Variants in RNF19A observed in about 807,000 individuals in gnomAD.
RNF19A encodes ring finger protein 19A, RBR E3 ubiquitin protein ligase, also known as E3 ubiquitin-protein ligase RNF19A.
A neutral mutation model predicts 75.7 loss-of-function variants in RNF19A; 32 were observed. That is an observed-to-expected ratio of 0.42 (90% CI 0.32 to 0.57). The LOEUF is 0.57. Ranked by LOEUF, RNF19A falls within the 20% of genes least tolerant of loss-of-function variation. The pLI, the probability that RNF19A is intolerant of heterozygous loss-of-function variation, is 0.10. For missense variants in RNF19A, 782 were observed against 1,036.3 expected, an observed-to-expected ratio of 0.75 and a Z score of 3.37; for synonymous variants, 335 against 345.2, an observed-to-expected ratio of 0.97 and a Z score of 0.33.
intron 5 of RNF19A, among the ~76,000 whole-genome samples, chr8:100,267,941 G>A (rs757449913): frequency 5.3e-5 from 8 of 152,048 alleles, no homozygotes; most frequent in Non-Finnish European, 1.0e-4. Flanking sequence ...GCCTTCCAAA[G>A]TGCTAAGATT....
At chr8:100,266,372 T>C (rs1255443589) in intron 5 of RNF19A, among the ~76,000 whole-genome samples, 2 of 152,238 alleles carry the variant, frequency 1.3e-5, no homozygotes, top group Non-Finnish European at 2.9e-5. Context: ...CTCTTCTCTA[T>C]AAATGATTTA....
At chr8:100,263,923 A>T in intron 7 of RNF19A, 111 bp downstream of exon 7, 1 of 841,498 alleles carries the variant, frequency 1.2e-6, no homozygotes, top group Non-Finnish European at 1.9e-6. Context: ...GAATACTATT[A>T]GGCCTAGTAA....
intron 1 of RNF19A, among the ~76,000 whole-genome samples, chr8:100,328,271 C>A (rs1249223238): frequency 6.6e-6 from 1 of 152,072 alleles, no homozygotes; most frequent in East Asian, 1.9e-4. Flanking sequence ...GACCTCGTGG[C>A]AGTGTTGGGG....
Position 100,260,301 on chromosome 8 carries a change from A to G in RNF19A, c.1683-304T>C, listed in dbSNP as rs1819651804. ...TCTCACTCAGCATATGGCACTTTGT[A>G]ATGTTTCAATGCAAAACACAAAGTT... On this transcript the variant is annotated intron_variant, in intron 8 of 9. Coordinates refer to ENST00000341084, the MANE Select transcript of RNF19A (RefSeq NM_183419.4). The surrounding 1 kb of genome is among the most constrained non-coding windows in gnomAD (Gnocchi z 4.1). 6.6e-6 allele frequency among the ~76,000 whole-genome samples: 1 copy of G among 152,212 alleles called. No individual in the cohort carries two copies. Among genetic ancestry groups the G allele is most frequent in the Admixed American group, 6.5e-5 (1 of 15,282 alleles).
upstream of RNF19A, among the ~76,000 whole-genome samples, chr8:100,314,511 T>A (rs1125706): frequency 0.32 from 49,189 of 151,994 alleles, 8,629 homozygotes; most frequent in East Asian, 0.41. The surrounding 1 kb of genome is among the most constrained non-coding windows in gnomAD (Gnocchi z 4.1). Context: ...TTCCCTGGTG[T>A]CACAGCCTAA....
rs1241633092 is a variant in RNF19A, at chr8:100,284,031, C to T, written c.674+3470G>A. On this transcript the variant is annotated intron_variant, in intron 2 of 9. Coordinates refer to ENST00000341084, the MANE Select transcript of RNF19A (RefSeq NM_183419.4). The surrounding 1 kb of genome is among the most constrained non-coding windows in gnomAD (Gnocchi z 4.3). ...TTTTGTCTTGTGTTCATTAATAAACCTCCAGTTCCTGGTACATAGGTGCAT... is the reference window on the plus strand; with the variant it reads ...TTTTGTCTTGTGTTCATTAATAAACTTCCAGTTCCTGGTACATAGGTGCAT... Among the ~76,000 whole-genome samples the T allele has an allele frequency of 3.3e-5, 5 of 151,898 alleles. No homozygotes were observed. Among genetic ancestry groups the T allele is most frequent in the African/African-American group, 1.2e-4 (5 of 41,352 alleles).
chr8:100,290,151 G>A (rs2129973094), intron 1 of RNF19A, among the ~76,000 whole-genome samples: 1 of 152,332 alleles, frequency 6.6e-6, no homozygotes, highest in African/African-American at 2.4e-5. Flanking sequence ...GTCTGTGTCT[G>A]TTGCCCAGGC....
chr8:100,280,494 A>G (rs533858068), intron 2 of RNF19A, among the ~76,000 whole-genome samples: 37 of 152,340 alleles, frequency 2.4e-4, no homozygotes, highest in African/African-American at 8.2e-4. Flanking sequence ...GCTACTTCTC[A>G]GTATTTTTTA....
At chr8:100,278,441 G>A (rs1476606329) in intron 2 of RNF19A, among the ~76,000 whole-genome samples, 1 of 152,192 alleles carries the variant, frequency 6.6e-6, no homozygotes, top group Admixed American at 6.5e-5. Context: ...AGTCACTTAA[G>A]TATAAATGTC....
At chr8:100,274,468 G>A (rs535975973) in intron 3 of RNF19A, among the ~76,000 whole-genome samples, 2 of 152,268 alleles carry the variant, frequency 1.3e-5, no homozygotes, top group South Asian at 2.1e-4. Flanking sequence ...ATTAAATGTC[G>A]AACATTCTGT....
chr8:100,259,926 C>A lies in RNF19A; in HGVS notation c.1754G>T (p.Gly585Val). ...GGTGCTGGCATTATCACTAACTGTT[C>A]CCAAGCTGACTGTGCCAGATTCTCC... Reference protein sequence around the residue: ...LSGESGTVSLGTVSDNASTKA... With the variant: ...LSGESGTVSLVTVSDNASTKA... The change falls in exon 9 of 10, where the codon GGA becomes GTA. Residue 585 changes from glycine (G) to valine (V), a missense_variant. Physicochemically the swap from Gly to Val is moderately radical, Grantham distance 109. Around this residue, in one of 7 missense-constraint regions of RNF19A, gnomAD observed 442 missense variants for 541.6 expected, o/e 0.82. Coordinates refer to ENST00000341084, the MANE Select transcript of RNF19A (RefSeq NM_183419.4). This position sits in a 1 kb window ranked among gnomAD's most constrained non-coding sequence, Gnocchi z 4.5. The A allele has an allele frequency of 6.2e-7, 1 of 1,613,916 alleles. No homozygotes were observed. Among genetic ancestry groups the A allele is most frequent in the Admixed American group, 1.7e-5 (1 of 60,008 alleles).
chr8:100,333,483 T>C lies in RNF19A; in HGVS notation c.-243+2625A>G, dbSNP rs777357110. ...TCACACTATTATATTAGAGGCAAGATTCAAGATTGCTTATACAGCGAGATC... is the reference window on the plus strand; with the variant it reads ...TCACACTATTATATTAGAGGCAAGACTCAAGATTGCTTATACAGCGAGATC... On this transcript the variant is annotated intron_variant, in intron 1 of 3. Coordinates refer to the RNF19A transcript ENST00000519527. This position sits in a 1 kb window ranked among gnomAD's most constrained non-coding sequence, Gnocchi z 4.7. Among the ~76,000 whole-genome samples, 1 of 152,242 alleles carries C rather than the reference T, an allele frequency of 6.6e-6. No individual in the cohort carries two copies. The highest frequency in any genetic ancestry group is 1.5e-5 in the Non-Finnish European group (1 of 68,040).
At chr8:100,299,193 A>AT (rs1821709092) in intron 1 of RNF19A, among the ~76,000 whole-genome samples, 1 of 152,236 alleles carries the variant, frequency 6.6e-6, no homozygotes, top group South Asian at 2.1e-4. Flanking sequence ...AACTAAGGTG[A>AT]TTAAGACCAG....
chr8:100,315,641 T>G (rs912900173), intron 1 of RNF19A, among the ~76,000 whole-genome samples: 17 of 152,118 alleles, frequency 1.1e-4, no homozygotes, highest in South Asian at 2.1e-4. Flanking sequence ...ATTTTTCTTC[T>G]TCGTCGTCTT....
chr8:100,328,778 T>C (rs1470568063), intron 1 of RNF19A, among the ~76,000 whole-genome samples: 1 of 152,200 alleles, frequency 6.6e-6, no homozygotes, highest in Non-Finnish European at 1.5e-5. Flanking sequence ...TCTGCGTTAA[T>C]GTTTTAAGAC....
intron 1 of RNF19A, among the ~76,000 whole-genome samples, chr8:100,326,546 G>A (rs1272471226): frequency 1.3e-5 from 2 of 152,100 alleles, no homozygotes; most frequent in African/African-American, 4.8e-5. Flanking sequence ...GGGAAACTGA[G>A]GTAACCCCTC....
chr8:100,293,430 T>C (rs893384428), intron 1 of RNF19A, among the ~76,000 whole-genome samples: 1 of 152,254 alleles, frequency 6.6e-6, no homozygotes, highest in African/African-American at 2.4e-5. Flanking sequence ...GTTATTACAC[T>C]GTCTTCTGGC....
Position 100,261,679 on chromosome 8 carries a change from C to CAA in RNF19A, c.1543_1544dup (p.Leu515PhefsTer2). ...GATCCATGTGGCTTCCACTTGCACT[C>CAA]AAACTGCCAGTCAGCCCACCAACAC... is the stretch of plus-strand genomic sequence containing the variant. On this transcript the variant is annotated frameshift_variant, in exon 8 of 10. Coordinates refer to ENST00000341084, the MANE Select transcript of RNF19A (RefSeq NM_183419.4). LOFTEE classifies it high-confidence loss of function. This position sits in a 1 kb window ranked among gnomAD's most constrained non-coding sequence, Gnocchi z 4.4. 1 of 1,614,150 alleles carries CAA rather than the reference C, an allele frequency of 6.2e-7. No individual in the cohort carries two copies. The highest frequency in any genetic ancestry group is 8.5e-7 in the Non-Finnish European group (1 of 1,180,002).
intron 1 of RNF19A, chr8:100,309,354 G>C (rs1822196278): frequency 1.0e-6 from 1 of 985,676 alleles, no homozygotes; most frequent in South Asian, 4.7e-5. Context: ...CTTGCGGGGC[G>C]ATGTCCCGGC....
Sources: allele counts gnomAD v4.1 joint callset (sites outside exome capture counted in the v4.1 genomes callset), GRCh38; gene constraint gnomAD v4.1.1; regional missense constraint gnomAD v4.1.1; non-coding constraint Gnocchi (gnomAD v3.1); transcripts MANE v1.5; gene names NCBI Gene and HGNC (gene_info 2026-07-23, HGNC 2026-07-21).